The following OGA variants were observed in gnomAD, a reference collection of about 807,000 sequenced individuals.
OGA encodes the protein protein O-GlcNAcase.
A neutral mutation model predicts 102.0 loss-of-function variants in OGA; 21 were observed. The ratio of observed to expected loss-of-function variants is 0.21; its 90% confidence interval spans 0.15 to 0.30. The LOEUF (loss-of-function observed/expected upper bound fraction) is 0.30. Among genes scored for constraint, OGA ranks in the 10% least tolerant of loss-of-function variants. OGA has a pLI of 1.00. For missense variants in OGA, 765 were observed against 1,107.8 expected, an observed-to-expected ratio of 0.69 and a Z score of 4.39; for synonymous variants, 408 against 378.2, an observed-to-expected ratio of 1.08 and a Z score of -0.91.
intron 7 of OGA, among the ~76,000 whole-genome samples, chr10:101,802,357 T>C (rs2065404260): frequency 6.6e-6 from 1 of 152,142 alleles, no homozygotes; most frequent in South Asian, 2.1e-4. Flanking sequence ...CTATAAGCCT[T>C]ACCCAACACT....
intron 5 of OGA, among the ~76,000 whole-genome samples, chr10:101,806,790 G>A (rs1043717504): frequency 1.3e-5 from 2 of 152,054 alleles, no homozygotes; most frequent in African/African-American, 4.8e-5. Context: ...TATGCCAATG[G>A]CAGCTGGGCA....
intron 1 of OGA, among the ~76,000 whole-genome samples, chr10:101,816,278 C>G (rs190344784): frequency 6.6e-6 from 1 of 152,260 alleles, no homozygotes; most frequent in East Asian, 1.9e-4. Flanking sequence ...ACAAAAACAA[C>G]AAAACACACA....
At chr10:101,813,725 C>G (rs145506288) in intron 1 of OGA, 119 bp from the exon 2 acceptor site, 108 of 511,270 alleles carry the variant, frequency 2.1e-4, no homozygotes, top group African/African-American at 1.9e-3. Context: ...TAAAATACAC[C>G]AAATCGGAAG....
chr10:101,817,680 C>T, intron 1 of OGA, 144 bp downstream of exon 1: 1 of 931,174 alleles, frequency 1.1e-6, no homozygotes, highest in Non-Finnish European at 1.6e-6. Flanking sequence ...CCCAACATCT[C>T]GTCTCTCCCC....
In OGA at chr10:101,807,920, A is replaced by G. The variant is rs2065497129; in HGVS notation, c.481-19T>C. On this transcript the variant is annotated intron_variant, in intron 4 of 15. Coordinates refer to ENST00000361464, the MANE Select transcript of OGA (RefSeq NM_012215.5). ...GAGAAACCTAGGAGAAAAAAAAAAA[A>G]AAGAATCAAGAGTAAAAAAATTAAG... 3 of 1,482,476 alleles carry G rather than the reference A, an allele frequency of 2.0e-6. No homozygotes were observed. The highest frequency in any genetic ancestry group is 1.8e-6 in the Non-Finnish European group (2 of 1,117,166). The allele number at this position is 1,482,476 out of a possible 1,614,324, so 91.8% of individuals were successfully genotyped here.
chr10:101,796,756 A>G (rs575828981), intron 10 of OGA, among the ~76,000 whole-genome samples: 2 of 152,064 alleles, frequency 1.3e-5, no homozygotes, highest in East Asian at 3.9e-4. Context: ...TTTTTTTAGT[A>G]GAGATAGGGT....
At chr10:101,813,441 A>G (rs577262115) in intron 2 of OGA, 114 bp downstream of exon 2, 90 of 697,192 alleles carry the variant, frequency 1.3e-4, no homozygotes, top group Middle Eastern at 1.0e-3. Context: ...TAACTTCTGC[A>G]ATTGAGAAAC....
intron 12 of OGA, 138 bp downstream of exon 12, chr10:101,792,701 G>T: frequency 1.6e-6 from 1 of 611,990 alleles, no homozygotes. Context: ...AAGATACACT[G>T]AATGTTTTAA....
intron 7 of OGA, among the ~76,000 whole-genome samples, chr10:101,800,741 C>T (rs1006322737): frequency 3.3e-5 from 5 of 149,374 alleles, no homozygotes; most frequent in African/African-American, 1.2e-4. Flanking sequence ...ATGAAGAAAA[C>T]ATTGCATAGC....
At chr10:101,815,496 G>A (rs564427516) in intron 1 of OGA, among the ~76,000 whole-genome samples, 2 of 152,000 alleles carry the variant, frequency 1.3e-5, no homozygotes, top group African/African-American at 4.8e-5. Context: ...ATGTTGGCCA[G>A]GCTAGTATCG....
intron 1 of OGA, among the ~76,000 whole-genome samples, 195 bp from the exon 2 acceptor site, chr10:101,813,801 T>A (rs1280701188): frequency 2.6e-5 from 4 of 152,220 alleles, no homozygotes; most frequent in African/African-American, 9.6e-5. Context: ...TGACTTTTAT[T>A]CCATTTTTGC....
rs946124778 is a variant in OGA at position 101,804,120 on chromosome 10, A to C, written c.752-101T>G. 2.8e-5 allele frequency: 30 copies of C among 1,053,176 alleles called. No individual in the cohort carries two copies. The East Asian group carries it at 6.9e-4, about 24-fold the overall frequency. 65.2% of individuals were successfully genotyped at this position (1,053,176 alleles called of 1,614,324 possible). On this transcript the variant is annotated intron_variant, in intron 6 of 15. Coordinates refer to ENST00000361464, the MANE Select transcript of OGA (RefSeq NM_012215.5). Reference sequence around the variant, plus strand: ...AGCACTCTGGGAGGCAGAGGTGGGCAGATCATTTGAGCCCAGGAGTTCGGA... The same window carrying C: ...AGCACTCTGGGAGGCAGAGGTGGGCCGATCATTTGAGCCCAGGAGTTCGGA...
rs754093639 is a variant in OGA, at chr10:101,800,273, C to T, written c.1164G>A (p.Leu388=). 5.0e-6 allele frequency: 8 copies of T among 1,614,022 alleles called. No homozygotes were observed. Among genetic ancestry groups the T allele is most frequent in the African/African-American group, 1.3e-5 (1 of 74,926 alleles). ...MALKLALTEW[L]QEFGVPHQYS... ...ATTGATGAGGCACACCAAACTCTTG[C>T]AACCATTCTGTTAATGCTAGCTTTA... is the stretch of plus-strand genomic sequence containing the variant. The change falls in exon 8 of 16, where the codon TTG becomes TTA. Residue 388 remains leucine (L), a synonymous_variant. Coordinates refer to ENST00000361464, the MANE Select transcript of OGA (RefSeq NM_012215.5).
Position 101,800,248 on chromosome 10 carries a change from A to G in OGA, c.1189T>C (p.Tyr397His), listed in dbSNP as rs1451361454. The change falls in exon 8 of 16, where the codon TAC (tyrosine) becomes CAC (histidine). Residue 397 changes from tyrosine (Y) to histidine (H), a missense_variant. Tyr to His is a moderately conservative substitution (Grantham distance 83, BLOSUM62 2). Coordinates refer to ENST00000361464, the MANE Select transcript of OGA (RefSeq NM_012215.5). The stretch of plus-strand genomic sequence containing the variant: ...AAAGAATGGCCAAACTCACTGCTGT[A>G]TTGATGAGGCACACCAAACTCTTGC... ...WLQEFGVPHQ[Y>H]SSRQVAHSGA... 1.2e-6 allele frequency: 2 copies of G among 1,613,916 alleles called. No individual in the cohort carries two copies. The highest frequency in any genetic ancestry group is 2.2e-5 in the South Asian group (2 of 91,062).
At chr10:101,796,492 C>T (rs959690856) in intron 10 of OGA, among the ~76,000 whole-genome samples, 1 of 151,518 alleles carries the variant, frequency 6.6e-6, no homozygotes, top group African/African-American at 2.4e-5. Flanking sequence ...AAACTCCTGA[C>T]CTTGTGGTCT....
intron 10 of OGA, chr10:101,796,988 A>C (rs1217905696): frequency 6.6e-6 from 1 of 150,568 alleles, no homozygotes; most frequent in African/African-American, 2.4e-5. Flanking sequence ...ACAATCTGAG[A>C]CTCTACTTTT....
At chr10:101,812,264 G>T (rs1016382157) in intron 3 of OGA, among the ~76,000 whole-genome samples, 1 of 152,008 alleles carries the variant, frequency 6.6e-6, no homozygotes, top group Non-Finnish European at 1.5e-5. Context: ...CAGGCCGGCC[G>T]GGCACAGGAG....
At chr10:101,791,124 A>G (rs775043474) in intron 13 of OGA, 36 bp from the exon 14 acceptor site, 1 of 1,560,372 alleles carries the variant, frequency 6.4e-7, no homozygotes, top group Non-Finnish European at 8.6e-7. Flanking sequence ...TAAACTTTTC[A>G]GTTGCTAATA....
Position 101,818,239 on chromosome 10 carries a change from C to A in OGA, c.-217G>T. On this transcript the variant is annotated 5_prime_UTR_variant, in exon 1 of 16. Coordinates refer to ENST00000361464, the MANE Select transcript of OGA (RefSeq NM_012215.5). ...GGCGCGAGCCCTTTGTCAGCCGCAG[C>A]CTCGGCTTTAAGCTGGGGCGCCAGA... is the stretch of plus-strand genomic sequence containing the variant. 7.5e-7 allele frequency: 1 copy of A among 1,337,520 alleles called. No homozygotes were observed. The highest frequency in any genetic ancestry group is 9.5e-7 in the Non-Finnish European group (1 of 1,047,560). The allele number at this position is 1,337,520 out of a possible 1,614,324, so 82.9% of individuals were successfully genotyped here. A position where few individuals can be genotyped will look rare whatever the true frequency, so the allele number is the denominator to read the frequency against.
Sources: allele counts gnomAD v4.1 joint callset (sites outside exome capture counted in the v4.1 genomes callset), GRCh38; gene constraint gnomAD v4.1.1; transcripts MANE v1.5; gene names NCBI Gene and HGNC (gene_info 2026-07-23, HGNC 2026-07-21).